The following FGF13 variants were observed in gnomAD, a reference collection of about 807,000 sequenced individuals.
The protein encoded by FGF13 is fibroblast growth factor homologous factor 2.
FGF13 carries 2 observed loss-of-function variants against 19.5 expected under a neutral mutation model. The ratio of observed to expected loss-of-function variants is 0.10; its 90% CI spans 0.04 to 0.32. The LOEUF is 0.32. FGF13 is among the 10% of genes least tolerant of loss of function. The pLI is 1.00. For missense variants in FGF13, 113 were observed against 192.7 expected (o/e 0.59, Z 2.45); for synonymous variants, 72 against 76.9 (o/e 0.94, Z 0.33).
At chrX:138,911,439 G>T (rs776728380) in intron 1 of FGF13, among the ~76,000 whole-genome samples, 1 of 108,812 alleles carries the variant, frequency 9.2e-6, no homozygotes, top group East Asian at 2.9e-4. Context: ...ACAGAGGGGG[G>T]CAACACACAC....
At chrX:138,886,228 A>C (rs1350993924) in intron 1 of FGF13, among the ~76,000 whole-genome samples, 1 of 111,933 alleles carries the variant, frequency 8.9e-6, no homozygotes, top group African/African-American at 3.2e-5. Context: ...AAAAGACCAA[A>C]GCCCCTACCC....
In FGF13 at chrX:138,998,900, T is replaced by C. The variant is rs186020097; in HGVS notation, c.-112-134250A>G. ...AATATACATTCTTCTCAGCACCACATTGCACTTATTCCAAAATTGATCACA... is the reference window on the plus strand; with the variant it reads ...AATATACATTCTTCTCAGCACCACACTGCACTTATTCCAAAATTGATCACA... On this transcript the variant is annotated intron_variant, in intron 1 of 2. Transcript: ENST00000421460. Among the ~76,000 whole-genome samples the C allele has an allele frequency of 8.3e-3, 926 of 111,996 alleles. 9 individuals are homozygous for C. Among genetic ancestry groups the C allele is most frequent in the African/African-American group, 0.029 (882 of 30,786 alleles).
At chrX:139,111,079 G>A (rs1040109302) in intron 1 of FGF13, among the ~76,000 whole-genome samples, 1 of 111,790 alleles carries the variant, frequency 8.9e-6, no homozygotes, top group African/African-American at 3.3e-5. Flanking sequence ...TTTAGCTTAT[G>A]GTACCTACAG....
At chrX:138,693,631 C>T (rs2089861635) in intron 3 of FGF13, among the ~76,000 whole-genome samples, 1 of 111,582 alleles carries the variant, frequency 9.0e-6, no homozygotes, top group Non-Finnish European at 1.9e-5. Flanking sequence ...ATACTACACA[C>T]CAAAATTAGG....
chrX:138,789,817 G>A (rs1208128967), intron 3 of FGF13, among the ~76,000 whole-genome samples: 3 of 107,742 alleles, frequency 2.8e-5, no homozygotes, highest in Admixed American at 1.0e-4. Context: ...AGGCCGAGGC[G>A]GGTGGATCAC....
chrX:138,889,008 C>A (rs767615181), intron 1 of FGF13, among the ~76,000 whole-genome samples: 11 of 112,129 alleles, frequency 9.8e-5, no homozygotes, highest in African/African-American at 3.6e-4. Context: ...TGAGCACCAA[C>A]CATGTCCATG....
At chrX:139,131,067 T>C (rs1247235738) in intron 1 of FGF13, among the ~76,000 whole-genome samples, 1 of 111,660 alleles carries the variant, frequency 9.0e-6, no homozygotes, top group Non-Finnish European at 1.9e-5. Context: ...TTCTTTTTTT[T>C]TGTACTTTTT....
In FGF13 at chrX:138,711,461, G is replaced by C. The variant is rs957210810; in HGVS notation, c.-458C>G. 17 of 718,631 alleles carry C rather than the reference G, an allele frequency of 2.4e-5. No individual in the cohort carries two copies. Among genetic ancestry groups the C allele is most frequent in the Non-Finnish European group, 2.6e-5 (16 of 605,117 alleles). The allele number at this position is 718,631 out of a possible 1,213,427, so 59.2% of individuals were successfully genotyped here. On this transcript the variant is annotated 5_prime_UTR_variant, in exon 1 of 5. Transcript: ENST00000315930. ...AGTGAGCGCGGGCGGGAGAGAGGCCGGGAGCTCGGGCGGCCGGACGGAGGA... is the reference window on the plus strand; with the variant it reads ...AGTGAGCGCGGGCGGGAGAGAGGCCCGGAGCTCGGGCGGCCGGACGGAGGA...
chrX:139,170,337 T>C (rs368127025), intron 1 of FGF13, among the ~76,000 whole-genome samples: 1 of 111,219 alleles, frequency 9.0e-6, no homozygotes, highest in East Asian at 2.8e-4. Flanking sequence ...AAAGCACACA[T>C]CACAATTGTT....
At position 138,726,208 on chromosome X, in the gene FGF13, G is replaced by GA. The variant is rs1362570705; in HGVS notation, c.28+13033dup. The stretch of plus-strand genomic sequence containing the variant: ...GGGTTTTCATTTGCTACATCAAATT[G>GA]AAAAAAAAAAATCATGCAGCACAGG... On this transcript the variant is annotated intron_variant, in intron 1 of 4. Coordinates refer to the FGF13 transcript ENST00000305414. Among the ~76,000 whole-genome samples, 301 of 106,123 alleles carry GA rather than the reference G, an allele frequency of 2.8e-3. 1 individual carries two copies. Among genetic ancestry groups the GA allele is most frequent in the African/African-American group, 8.8e-3 (258 of 29,466 alleles). 92.2% of individuals were successfully genotyped at this position (106,123 alleles called of 115,157 possible). A position where few individuals can be genotyped will look rare whatever the true frequency, so the allele number is the denominator to read the frequency against.
In FGF13 at chrX:138,777,192, G is replaced by A. The variant is rs182477497; in HGVS notation, c.218-68264C>T. Among the ~76,000 whole-genome samples, 4 of 111,300 alleles carry A rather than the reference G, an allele frequency of 3.6e-5. No individual in the cohort carries two copies. In the East Asian group the frequency reaches 1.1e-3, roughly 32 times the overall value. On this transcript the variant is annotated intron_variant, in intron 3 of 6. Transcript: ENST00000436198. ...CAGGTGAACCTGGGAATGGCAGCAA[G>A]GGGACATGATTGGGAGCCCTACTAA...
chrX:138,992,108 A>G lies in FGF13; in HGVS notation c.-112-127458T>C, dbSNP rs6634035. ...TCTTTACATATACACATATATATAC[A>G]TGTGTGTGTGTGTGTTTGTGTGTAA... On this transcript the variant is annotated intron_variant, in intron 1 of 2. Coordinates refer to the FGF13 transcript ENST00000421460. 1.1e-3 allele frequency among the ~76,000 whole-genome samples: 11 copies of G among 10,342 alleles called. No homozygotes were observed. In the South Asian group the frequency reaches 0.011, roughly 10 times the overall value. The allele number at this position is 10,342 out of a possible 115,157, so 9.0% of individuals were successfully genotyped here. A position where few individuals can be genotyped will look rare whatever the true frequency, so the allele number is the denominator to read the frequency against.
At chrX:139,011,539 T>A (rs1204339201) in intron 1 of FGF13, among the ~76,000 whole-genome samples, 2 of 111,236 alleles carry the variant, frequency 1.8e-5, no homozygotes, top group Non-Finnish European at 3.8e-5. Context: ...TTAACATACG[T>A]AAGTCAACAG....
At chrX:138,965,560 A>G (rs1191734984) in intron 1 of FGF13, among the ~76,000 whole-genome samples, 1 of 112,430 alleles carries the variant, frequency 8.9e-6, no homozygotes, top group Admixed American at 9.4e-5. Flanking sequence ...TTCACCAAGC[A>G]TCATTCAAAT....
At chrX:138,697,268 T>C (rs1338670578) in intron 3 of FGF13, among the ~76,000 whole-genome samples, 1 of 111,400 alleles carries the variant, frequency 9.0e-6, no homozygotes, top group Admixed American at 9.6e-5. Context: ...TTCTGAGTGA[T>C]AGGTAAGAAC....
intron 1 of FGF13, among the ~76,000 whole-genome samples, chrX:139,126,006 C>G (rs903107063): frequency 1.8e-5 from 2 of 111,977 alleles, no homozygotes; most frequent in Non-Finnish European, 3.8e-5. Context: ...AGTCACTTCA[C>G]CGCTGTGAGA....
chrX:138,865,450 C>CCTCT lies in FGF13; in HGVS notation c.-112-804_-112-801dup, dbSNP rs370662542. 4.3e-4 allele frequency among the ~76,000 whole-genome samples: 38 copies of CCTCT among 89,252 alleles called. 1 individual carries two copies. The highest frequency in any genetic ancestry group is 1.3e-3 in the East Asian group (4 of 3,034). 77.5% of individuals were successfully genotyped at this position (89,252 alleles called of 115,157 possible). ...CTCTCTCTTCTCTCTCTCTCTCTCT[C>CCTCT]CTCTCTCTCTCTCTCTCTCTCTCCT... On this transcript the variant is annotated intron_variant, in intron 1 of 2. Transcript: ENST00000421460.
intron 1 of FGF13, among the ~76,000 whole-genome samples, chrX:139,158,572 A>G (rs6654358): frequency 0.12 from 13,048 of 110,940 alleles, 1,297 homozygotes; most frequent in African/African-American, 0.33. Context: ...CTCTCTGGGC[A>G]GGGCATCTCT....
At chrX:138,944,510 G>GAAA (rs60982420) in intron 1 of FGF13, among the ~76,000 whole-genome samples, 11 of 47,808 alleles carry the variant, frequency 2.3e-4, no homozygotes, top group African/African-American at 4.0e-4. Context: ...CAAAAAAAAA[G>GAAA]AAAAAAAAAA....
Sources: gnomAD v4.1 joint callset for allele counts (sites outside exome capture counted in the v4.1 genomes callset) on GRCh38, gnomAD v4.1.1 for gene constraint, MANE v1.5 for transcripts, NCBI Gene and HGNC (gene_info 2026-07-23, HGNC 2026-07-21) for gene names.